Variants in ZNF181 observed in about 807,000 individuals in gnomAD.
ZNF181 encodes the protein zinc finger protein 181 (HHZ181).
In ZNF181, 8 loss-of-function variants were observed where a neutral mutation model predicts 11.9. The observed-to-expected ratio is 0.67, with a 90% confidence interval of 0.39 to 1.21. ZNF181 has a LOEUF of 1.21. ZNF181 is among the 50% of genes most tolerant of loss of function. The pLI is 0.01. For missense variants in ZNF181, 542 were observed against 670.9 expected, an observed-to-expected ratio of 0.81 and a Z score of 2.12; for synonymous variants, 202 against 221.1, an observed-to-expected ratio of 0.91 and a Z score of 0.77.
rs565161172 is a variant in ZNF181, at chr19:34,741,139, A to G, written c.758A>G (p.Asn253Ser). 84 of 1,614,088 alleles carry G rather than the reference A, an allele frequency of 5.2e-5. No individual in the cohort carries two copies. The highest frequency in any genetic ancestry group is 4.0e-4 in the African/African-American group (30 of 75,032). The change falls in exon 4 of 4, where the codon AAT becomes AGT. Residue 253 changes from asparagine (N) to serine (S), a missense_variant. Coordinates refer to ENST00000492450, the MANE Select transcript of ZNF181 (RefSeq NM_001029997.4). ...GCCTTTGGCAAACAGTCAATCCTCA[A>G]TCGCCACTGGAGAATTCATACAGGA... ...GKAFGKQSIL[N>S]RHWRIHTGEK... is the part of the protein sequence containing the mutation.
At position 34,735,457 on chromosome 19, in the gene ZNF181, GAATCTGACCATTAGT is replaced by G. The variant is rs369870337; in HGVS notation, c.9+412_9+426del. Among the ~76,000 whole-genome samples the G allele has an allele frequency of 5.0e-3, 758 of 152,214 alleles. 4 individuals are homozygous for G. Among genetic ancestry groups the G allele is most frequent in the African/African-American group, 0.018 (736 of 41,524 alleles). Reference sequence around the variant, plus strand: ...GGAGCTAAGCTATACACTGTATACAGAATCTGACCATTAGTTACCCCAGCACTACCACCACCACTA... The same window carrying G: ...GGAGCTAAGCTATACACTGTATACAGTACCCCAGCACTACCACCACCACTA... On this transcript the variant is annotated intron_variant, in intron 1 of 3. Coordinates refer to ENST00000492450, the MANE Select transcript of ZNF181 (RefSeq NM_001029997.4).
rs1235722615 is a variant in ZNF181 at position 34,744,122 on chromosome 19, G to T, written c.*2025G>T. On this transcript the variant is annotated 3_prime_UTR_variant, in exon 4 of 4. Transcript: ENST00000492450. ...ATGTTATAGTTATGATAATTCTGGTGTGGAATGAGTGATAAGGTTTCTGAC... is the reference window on the plus strand; with the variant it reads ...ATGTTATAGTTATGATAATTCTGGTTTGGAATGAGTGATAAGGTTTCTGAC... The T allele has an allele frequency of 6.6e-6, 1 of 152,196 alleles. No homozygotes were observed. The highest frequency in any genetic ancestry group is 1.5e-5 in the Non-Finnish European group (1 of 68,032). The allele number at this position is 152,196 out of a possible 1,614,324, so 9.4% of individuals were successfully genotyped here.
chr19:34,739,534 G>A lies in ZNF181; in HGVS notation c.142G>A (p.Val48Ile), dbSNP rs1568483421. The change falls in exon 3 of 4, where the codon GTA becomes ATA. Residue 48 changes from valine (V) to isoleucine (I), a missense_variant. Val to Ile is a conservative substitution (Grantham distance 29). Coordinates refer to ENST00000492450, the MANE Select transcript of ZNF181 (RefSeq NM_001029997.4). ...ENLVSVAGLS[V>I]TKPYVITLLE... ...ATTCTTCCTGTAAGCAGGTCTTTCT[G>A]TAACTAAGCCATATGTGATCACGTT... The A allele has an allele frequency of 1.2e-6, 2 of 1,614,016 alleles. No individual in the cohort carries two copies. The highest frequency in any genetic ancestry group is 1.3e-5 in the African/African-American group (1 of 74,996).
intron 3 of ZNF181, among the ~76,000 whole-genome samples, chr19:34,740,160 T>C (rs897360087): frequency 1.8e-4 from 28 of 152,254 alleles, no homozygotes; most frequent in African/African-American, 6.8e-4. Flanking sequence ...TAGATTATTG[T>C]GTTTTTACTG....
In ZNF181 at chr19:34,741,355, A is replaced by G. The variant is rs1314031110; in HGVS notation, c.974A>G (p.Asn325Ser). The G allele has an allele frequency of 1.2e-6, 2 of 1,613,908 alleles. No individual in the cohort carries two copies. The highest frequency in any genetic ancestry group is 1.7e-6 in the Non-Finnish European group (2 of 1,179,822). ...HTGEKPYECM[N>S]CGKSFSRVSH... The stretch of plus-strand genomic sequence containing the variant: ...GGAGAGAAACCATATGAATGTATGA[A>G]CTGTGGAAAGTCTTTTAGTCGTGTG... The change falls in exon 4 of 4, where the codon AAC (asparagine) becomes AGC (serine). Residue 325 changes from asparagine (N) to serine (S), a missense_variant. Physicochemically the swap from Asn to Ser is conservative, Grantham distance 46. Transcript: ENST00000492450.
chr19:34,744,166 C>T lies in ZNF181; in HGVS notation c.*2069C>T, dbSNP rs1010024036. On this transcript the variant is annotated 3_prime_UTR_variant, in exon 4 of 4. Coordinates refer to ENST00000492450, the MANE Select transcript of ZNF181 (RefSeq NM_001029997.4). Reference sequence around the variant, plus strand: ...TTCTGACTTTCAACAAAATGTATCTCCTCTGATATATGTGCTACCTTAACA... The same window carrying T: ...TTCTGACTTTCAACAAAATGTATCTTCTCTGATATATGTGCTACCTTAACA... 2 of 152,158 alleles carry T rather than the reference C, an allele frequency of 1.3e-5. No homozygotes were observed. Among genetic ancestry groups the T allele is most frequent in the African/African-American group, 2.4e-5 (1 of 41,426 alleles). 9.4% of individuals were successfully genotyped at this position (152,158 alleles called of 1,614,324 possible).
In ZNF181 at chr19:34,735,079, C is replaced by T. The variant is rs774901828; in HGVS notation, c.9+33C>T. The T allele has an allele frequency of 5.1e-6, 8 of 1,563,384 alleles. No individual in the cohort carries two copies. The South Asian group carries it at 9.4e-5, about 18-fold the overall frequency. ...GGTGTGTCCGCAAATCTTCCTGAAA[C>T]ACTTTATCAGGACTGTGTGTTTGCT... On this transcript the variant is annotated intron_variant, in intron 1 of 3. Coordinates refer to ENST00000492450, the MANE Select transcript of ZNF181 (RefSeq NM_001029997.4).
rs759383584 is a variant in ZNF181 at position 34,742,057 on chromosome 19, A to C, written c.1676A>C (p.His559Pro). ...SVEKPLDYMNHYTCEKSYRRE... is the reference protein window; with the variant it reads ...SVEKPLDYMNPYTCEKSYRRE... ...GAAAAGCCTTTAGACTATATGAATC[A>C]CTATACATGTGAGAAATCTTACAGA... is the stretch of plus-strand genomic sequence containing the variant. The change falls in exon 4 of 4, where the codon CAC becomes CCC. Residue 559 changes from histidine to proline, a missense_variant. Physicochemically the swap from His to Pro is moderately conservative, Grantham distance 77. Transcript: ENST00000492450. 1.4e-5 allele frequency: 22 copies of C among 1,588,942 alleles called. No homozygotes were observed. The highest frequency in any genetic ancestry group is 1.3e-4 in the East Asian group (6 of 44,540).
chr19:34,739,493 G>T, intron 2 of ZNF181, 30 bp from the exon 3 acceptor site: 1 of 1,613,428 alleles, frequency 6.2e-7, no homozygotes, highest in Non-Finnish European at 8.5e-7. Flanking sequence ...GAGGACCACG[G>T]CTTAAACAAT....
At position 34,742,215 on chromosome 19, in the gene ZNF181, A is replaced by G; in HGVS notation, c.*118A>G. 1.9e-6 allele frequency: 2 copies of G among 1,047,890 alleles called. No homozygotes were observed. The highest frequency in any genetic ancestry group is 2.4e-5 in the East Asian group (1 of 41,538). The allele number at this position is 1,047,890 out of a possible 1,614,324, so 64.9% of individuals were successfully genotyped here. ...TAGGAAGACCTTTTAGCAAAGATGCAGGCCAGTTTGTTTATTAGACTTTAT... is the reference window on the plus strand; with the variant it reads ...TAGGAAGACCTTTTAGCAAAGATGCGGGCCAGTTTGTTTATTAGACTTTAT... On this transcript the variant is annotated 3_prime_UTR_variant, in exon 4 of 4. Coordinates refer to ENST00000492450, the MANE Select transcript of ZNF181 (RefSeq NM_001029997.4).
intron 1 of ZNF181, among the ~76,000 whole-genome samples, chr19:34,737,520 G>A (rs999856338): frequency 6.6e-5 from 10 of 152,160 alleles, no homozygotes; most frequent in African/African-American, 2.2e-4. Context: ...AGCTTCCAAA[G>A]TTTTACTAAA....
chr19:34,736,568 C>T (rs1436802374), intron 1 of ZNF181, among the ~76,000 whole-genome samples: 2 of 152,174 alleles, frequency 1.3e-5, no homozygotes, highest in African/African-American at 2.4e-5. Context: ...TCTAAGAGAA[C>T]TTTCTGCAGT....
chr19:34,739,450 C>G, intron 2 of ZNF181, 73 bp from the exon 3 acceptor site: 1 of 1,594,640 alleles, frequency 6.3e-7, no homozygotes, highest in Admixed American at 1.7e-5. Context: ...TCATCCCTTC[C>G]TGTGGTCCCT....
At position 34,742,159 on chromosome 19, in the gene ZNF181, A is replaced by G; in HGVS notation, c.*62A>G. 6.8e-7 allele frequency: 1 copy of G among 1,477,736 alleles called. No homozygotes were observed. Among genetic ancestry groups the G allele is most frequent in the Non-Finnish European group, 9.0e-7 (1 of 1,106,130 alleles). 91.5% of individuals were successfully genotyped at this position (1,477,736 alleles called of 1,614,324 possible). ...CTTATTTAACATTAGAAAAATTTAT[A>G]CTGGGGAAAGTCTTATGAATGTGGT... On this transcript the variant is annotated 3_prime_UTR_variant, in exon 4 of 4. Coordinates refer to ENST00000492450, the MANE Select transcript of ZNF181 (RefSeq NM_001029997.4).
At position 34,741,837 on chromosome 19, in the gene ZNF181, G is replaced by A. The variant is rs2068983148; in HGVS notation, c.1456G>A (p.Glu486Lys). 1 of 1,613,962 alleles carries A rather than the reference G, an allele frequency of 6.2e-7. No homozygotes were observed. Among genetic ancestry groups the A allele is most frequent in the African/African-American group, 1.3e-5 (1 of 75,044 alleles). ...TCAACATCACAGAATTCATACTGGA[G>A]AGAAACCTTATGAATGTATTAAATG... ...LLQHHRIHTG[E>K]KPYECIKCGK... Residue 486 changes from glutamate (E) to lysine (K), a missense_variant, in exon 4 of 4, where the codon GAG becomes AAG. By Grantham distance (56) the Glu-to-Lys change is moderately conservative. Transcript: ENST00000492450.
At position 34,742,224 on chromosome 19, in the gene ZNF181, T is replaced by A. The variant is rs1568486813; in HGVS notation, c.*127T>A. On this transcript the variant is annotated 3_prime_UTR_variant, in exon 4 of 4. Transcript: ENST00000492450. ...CTTTTAGCAAAGATGCAGGCCAGTT[T>A]GTTTATTAGACTTTATACTGTAGAG... 1.1e-6 allele frequency: 1 copy of A among 928,004 alleles called. No individual in the cohort carries two copies. The highest frequency in any genetic ancestry group is 1.6e-6 in the Non-Finnish European group (1 of 625,054). The allele number at this position is 928,004 out of a possible 1,614,324, so 57.5% of individuals were successfully genotyped here.
chr19:34,734,888 T>G lies in ZNF181; in HGVS notation c.-150T>G, dbSNP rs956721191. On this transcript the variant is annotated 5_prime_UTR_variant, in exon 1 of 4. Coordinates refer to ENST00000492450, the MANE Select transcript of ZNF181 (RefSeq NM_001029997.4). ...CCTGGAGAGTGATTACCAGTGTGCC[T>G]TTCCATTATGGTGTGTCACAGGTGC... The G allele has an allele frequency of 2.8e-6, 2 of 723,176 alleles. No homozygotes were observed. Among genetic ancestry groups the G allele is most frequent in the Non-Finnish European group, 4.6e-6 (2 of 437,722 alleles). 44.8% of individuals were successfully genotyped at this position (723,176 alleles called of 1,614,324 possible). A position where few individuals can be genotyped will look rare whatever the true frequency, so the allele number is the denominator to read the frequency against.
intron 3 of ZNF181, 38 bp downstream of exon 3, chr19:34,739,659 A>T (rs1458992676): frequency 1.9e-6 from 3 of 1,609,574 alleles, no homozygotes; most frequent in South Asian, 2.2e-5. Flanking sequence ...AGATTTTGTT[A>T]AAAAGGGTCC....
rs917621495 is a variant in ZNF181, at chr19:34,739,715, G to A, written c.229+94G>A. On this transcript the variant is annotated intron_variant, in intron 3 of 3. Transcript: ENST00000492450. Reference sequence around the variant, plus strand: ...TATAGTGAGTGTGGAGGCATTTTAGGTATACTGTTTTCAAAGATCTCAGAT... The same window carrying A: ...TATAGTGAGTGTGGAGGCATTTTAGATATACTGTTTTCAAAGATCTCAGAT... 5.3e-5 allele frequency: 67 copies of A among 1,268,186 alleles called. No homozygotes were observed. In the African/African-American group the frequency reaches 9.1e-4, roughly 17 times the overall value. The allele number at this position is 1,268,186 out of a possible 1,614,324, so 78.6% of individuals were successfully genotyped here. A position where few individuals can be genotyped will look rare whatever the true frequency, so the allele number is the denominator to read the frequency against.
Sources: gnomAD v4.1 joint callset for allele counts (sites outside exome capture counted in the v4.1 genomes callset) on GRCh38, gnomAD v4.1.1 for gene constraint, MANE v1.5 for transcripts, NCBI Gene and HGNC (gene_info 2026-07-23, HGNC 2026-07-21) for gene names.